The following CCDC170 variants were observed in gnomAD, a reference collection of about 807,000 sequenced individuals.
The protein encoded by CCDC170 is coiled-coil domain containing 170.
Under a neutral mutation model 72.6 loss-of-function variants are expected in CCDC170, and 69 were observed. That is an observed-to-expected ratio of 0.95 (90% CI 0.78 to 1.16). The LOEUF is 1.16. CCDC170 is among the 50% of genes most tolerant of loss of function. The pLI is 0.00. For missense variants in CCDC170, 852 were observed against 832.5 expected, an observed-to-expected ratio of 1.02 and a Z score of -0.29; for synonymous variants, 300 against 303.9, an observed-to-expected ratio of 0.99 and a Z score of 0.13.
At position 151,605,294 on chromosome 6, in the gene CCDC170, G is replaced by T. The variant is rs532891884; in HGVS notation, c.1710+8717G>T. Among the ~76,000 whole-genome samples, 22 of 152,338 alleles carry T rather than the reference G, an allele frequency of 1.4e-4. No individual in the cohort carries two copies. In the South Asian group the frequency reaches 4.4e-3, roughly 30 times the overall value. ...ATGCCTCAAGCCTGTGTTTGCCTCA[G>T]CTCTAGTCAATGATTGGAGCATTGC... On this transcript the variant is annotated intron_variant, in intron 9 of 10. Transcript: ENST00000239374.
chr6:151,584,222 G>A (rs186649267), intron 6 of CCDC170, among the ~76,000 whole-genome samples: 103 of 152,282 alleles, frequency 6.8e-4, no homozygotes, highest in African/African-American at 2.3e-3. Context: ...GCCAATTTCC[G>A]GCCATCTTCG....
At chr6:151,544,225 T>C (rs1782737920) in intron 3 of CCDC170, among the ~76,000 whole-genome samples, 1 of 152,200 alleles carries the variant, frequency 6.6e-6, no homozygotes, top group African/African-American at 2.4e-5. Context: ...TGAAGACCCA[T>C]GGCTATGTGG....
Position 151,529,331 on chromosome 6 carries a change from G to A in CCDC170, c.58-6987G>A, listed in dbSNP as rs1583011226. 2.0e-5 allele frequency among the ~76,000 whole-genome samples: 3 copies of A among 152,136 alleles called. No individual in the cohort carries two copies. The Middle Eastern group carries it at 0.01, about 517-fold the overall frequency. ...ATTGCTTTGTCAACAGGAATTTATG[G>A]TTTCAACATCCTCATCCTTCTTGCT... is the stretch of plus-strand genomic sequence containing the variant. On this transcript the variant is annotated intron_variant, in intron 1 of 10. Transcript: ENST00000239374.
At chr6:151,546,836 G>A (rs1442147338) in intron 4 of CCDC170, among the ~76,000 whole-genome samples, 1 of 152,080 alleles carries the variant, frequency 6.6e-6, no homozygotes, top group Non-Finnish European at 1.5e-5. Context: ...CCTGCCACTT[G>A]GGAACAATGA....
At chr6:151,572,523 A>T (rs1038853955) in intron 5 of CCDC170, among the ~76,000 whole-genome samples, 5 of 152,148 alleles carry the variant, frequency 3.3e-5, no homozygotes, top group African/African-American at 1.2e-4. Context: ...GACTGAATCT[A>T]CTAATATGTT....
chr6:151,588,432 C>T (rs973856318), intron 7 of CCDC170, among the ~76,000 whole-genome samples: 1 of 152,162 alleles, frequency 6.6e-6, no homozygotes, highest in African/African-American at 2.4e-5. Flanking sequence ...TTGGACACAG[C>T]TGAGGGAAGG....
intron 1 of CCDC170, among the ~76,000 whole-genome samples, chr6:151,513,005 T>G (rs1782170577): frequency 6.6e-6 from 1 of 152,236 alleles, no homozygotes; most frequent in South Asian, 2.1e-4. Context: ...AAACAATTTT[T>G]ATTTCCTTTG....
chr6:151,594,949 C>T lies in CCDC170; in HGVS notation c.1468-1386C>T, dbSNP rs377588547. On this transcript the variant is annotated intron_variant, in intron 8 of 10. Transcript: ENST00000239374. Reference sequence around the variant, plus strand: ...TACAGGCATGAGCCACCATGCCCAGCCTGGAGTGGAATTTGACATGAAGAA... The same window carrying T: ...TACAGGCATGAGCCACCATGCCCAGTCTGGAGTGGAATTTGACATGAAGAA... Among the ~76,000 whole-genome samples, 7 of 152,026 alleles carry T rather than the reference C, an allele frequency of 4.6e-5. No individual in the cohort carries two copies. In the East Asian group the frequency reaches 7.7e-4, roughly 17 times the overall value.
At chr6:151,592,639 C>T (rs1299994497) in intron 7 of CCDC170, among the ~76,000 whole-genome samples, 2 of 152,138 alleles carry the variant, frequency 1.3e-5, no homozygotes, top group Admixed American at 6.5e-5. Context: ...ATTCAATTAT[C>T]TTCCACTAGG....
chr6:151,541,884 ATATT>A (rs200680796), intron 3 of CCDC170, among the ~76,000 whole-genome samples: 5,468 of 31,872 alleles, frequency 0.17, 167 homozygotes, highest in East Asian at 0.51. Context: ...ATATATATAT[ATATT>A]TTTTTTTTTA....
intron 5 of CCDC170, among the ~76,000 whole-genome samples, chr6:151,567,834 C>T (rs9479071): frequency 0.9 from 136,498 of 152,000 alleles, 61,441 homozygotes; most frequent in East Asian, 0.99. Context: ...ATAGGCTGGG[C>T]GCGGTGGCTC....
chr6:151,573,523 T>G (rs1562286772), intron 6 of CCDC170, 32 bp downstream of exon 6: 1 of 1,584,420 alleles, frequency 6.3e-7, no homozygotes, highest in South Asian at 1.1e-5. Flanking sequence ...ACAGACATCT[T>G]AAGAACAGTG....
rs754389576 is a variant in CCDC170 at position 151,523,546 on chromosome 6, C to T, written c.58-12772C>T. On this transcript the variant is annotated intron_variant, in intron 1 of 10. Transcript: ENST00000239374. ...ACTAAAAATACAAAAATTAGCCAGGCGTGATGGTGCACGCCTGTAATCCCA... is the reference window on the plus strand; with the variant it reads ...ACTAAAAATACAAAAATTAGCCAGGTGTGATGGTGCACGCCTGTAATCCCA... 8.2e-4 allele frequency among the ~76,000 whole-genome samples: 125 copies of T among 151,860 alleles called. 1 individual carries two copies. Among genetic ancestry groups the T allele is most frequent in the African/African-American group, 2.9e-3 (118 of 41,384 alleles).
chr6:151,521,021 G>A (rs535119074), intron 1 of CCDC170, among the ~76,000 whole-genome samples: 24 of 152,200 alleles, frequency 1.6e-4, no homozygotes, highest in Admixed American at 2.6e-4. Context: ...CAGGCAAGGT[G>A]AACCCATTGG....
intron 1 of CCDC170, among the ~76,000 whole-genome samples, chr6:151,508,446 A>C (rs754313445): frequency 6.6e-6 from 1 of 151,964 alleles, no homozygotes; most frequent in Non-Finnish European, 1.5e-5. Context: ...GCTGAGGCAG[A>C]AGGATTGCTT....
chr6:151,515,901 A>G (rs1456293717), intron 1 of CCDC170, among the ~76,000 whole-genome samples: 1 of 152,014 alleles, frequency 6.6e-6, no homozygotes, highest in African/African-American at 2.4e-5. Flanking sequence ...CCCTGTCTCT[A>G]CTAAAAATAC....
intron 1 of CCDC170, among the ~76,000 whole-genome samples, chr6:151,535,723 CG>C (rs1462241328): frequency 2.6e-5 from 4 of 151,924 alleles, no homozygotes; most frequent in Admixed American, 2.6e-4. Flanking sequence ...CCATTTGAGT[CG>C]GGTGGAAGGA....
At chr6:151,616,085 AG>A (rs372811091) in intron 10 of CCDC170, among the ~76,000 whole-genome samples, 468 of 152,256 alleles carry the variant, frequency 3.1e-3, no homozygotes, top group African/African-American at 0.01. Flanking sequence ...GTGAAAAAAC[AG>A]GTTCTGGTTC....
intron 1 of CCDC170, among the ~76,000 whole-genome samples, chr6:151,520,896 G>A (rs1782305109): frequency 6.6e-6 from 1 of 152,192 alleles, no homozygotes; most frequent in Non-Finnish European, 1.5e-5. Context: ...GAAGCTCAGA[G>A]AGACTGATTT....
Sources: gnomAD v4.1 joint callset for allele counts (sites outside exome capture counted in the v4.1 genomes callset) on GRCh38, gnomAD v4.1.1 for gene constraint, MANE v1.5 for transcripts, NCBI Gene and HGNC (gene_info 2026-07-23, HGNC 2026-07-21) for gene names.